ANO4: variants seen among roughly 807,000 people sequenced by gnomAD.
The protein encoded by ANO4 is anoctamin-4.
Under a neutral mutation model 141.9 loss-of-function variants are expected in ANO4, and 69 were observed. The observed-to-expected ratio is 0.49, with a 90% CI of 0.40 to 0.59. The LOEUF (loss-of-function observed/expected upper bound fraction) is 0.59. Ranked by LOEUF, ANO4 falls within the 20% of genes least tolerant of loss-of-function variation. The pLI is 0.00. For missense variants in ANO4, 894 were observed against 1,162.2 expected, an observed-to-expected ratio of 0.77 and a Z score of 3.36; for synonymous variants, 350 against 394.3, an observed-to-expected ratio of 0.89 and a Z score of 1.33.
chr12:100,885,961 G>A (rs1294710929), intron 1 of ANO4, among the ~76,000 whole-genome samples: 1 of 152,144 alleles, frequency 6.6e-6, no homozygotes, highest in African/African-American at 2.4e-5. Context: ...CTTGCCTACC[G>A]AAATATTCCA....
chr12:100,997,013 T>C (rs550580105), intron 8 of ANO4, among the ~76,000 whole-genome samples: 1 of 152,244 alleles, frequency 6.6e-6, no homozygotes, highest in Admixed American at 6.5e-5. Flanking sequence ...ATGGTTGCTC[T>C]GGTCACTGTT....
intron 1 of ANO4, among the ~76,000 whole-genome samples, chr12:100,886,378 C>CATT (rs1852372577): frequency 8.5e-6 from 1 of 117,812 alleles, no homozygotes; most frequent in African/African-American, 3.8e-5. Context: ...TTGTGAAGAT[C>CATT]GTTGCTTTCA....
At chr12:101,045,551 A>G (rs1425702399) in intron 13 of ANO4, among the ~76,000 whole-genome samples, 1 of 152,216 alleles carries the variant, frequency 6.6e-6, no homozygotes, top group African/African-American at 2.4e-5. Flanking sequence ...GAAATATTAA[A>G]TCAGATTGGC....
rs535123477 is a variant in ANO4, at chr12:100,963,240, G to A, written c.457-8066G>A. 1.7e-4 allele frequency among the ~76,000 whole-genome samples: 26 copies of A among 152,198 alleles called. 1 individual carries two copies. The highest frequency in any genetic ancestry group is 6.0e-4 in the African/African-American group (25 of 41,530). On this transcript the variant is annotated intron_variant, in intron 5 of 27. Coordinates refer to ENST00000392977, the MANE Select transcript of ANO4 (RefSeq NM_001286615.2). ...GAGTCTTGGAGATATCAGCTAATAG[G>A]TGACATCTAAACCCATTACAAGGGA... is the stretch of plus-strand genomic sequence containing the variant.
chr12:100,940,108 C>T (rs1175889564), intron 4 of ANO4, among the ~76,000 whole-genome samples: 1 of 151,872 alleles, frequency 6.6e-6, no homozygotes, highest in Non-Finnish European at 1.5e-5. Context: ...AGGATGACAC[C>T]TGGAACAGAG....
At chr12:100,840,793 A>G (rs2037199748) in intron 1 of ANO4, among the ~76,000 whole-genome samples, 1 of 152,170 alleles carries the variant, frequency 6.6e-6, no homozygotes, top group Admixed American at 6.5e-5. Flanking sequence ...TACTAGAGTC[A>G]GAGGTCAGCT....
chr12:101,126,802 T>C, intron 26 of ANO4, 77 bp from the exon 27 acceptor site: 2 of 1,372,412 alleles, frequency 1.5e-6, no homozygotes, highest in Non-Finnish European at 2.0e-6. Context: ...AGGGTCCACA[T>C]CCTTCTTCAG....
At chr12:101,013,982 C>A (rs2046209737) in intron 8 of ANO4, among the ~76,000 whole-genome samples, 1 of 152,222 alleles carries the variant, frequency 6.6e-6, no homozygotes, top group South Asian at 2.1e-4. Context: ...TAATGAGCAC[C>A]TTTCCCCAGC....
Position 101,008,338 on chromosome 12 carries a change from A to G in ANO4, c.735-11696A>G, listed in dbSNP as rs140828599. Among the ~76,000 whole-genome samples the G allele has an allele frequency of 1.1e-3, 172 of 152,230 alleles. 1 individual carries two copies. Among genetic ancestry groups the G allele is most frequent in the African/African-American group, 4.0e-3 (165 of 41,542 alleles). On this transcript the variant is annotated intron_variant, in intron 8 of 27. Coordinates refer to ENST00000392977, the MANE Select transcript of ANO4 (RefSeq NM_001286615.2). ...CCCCTTTCAACTCTTTTACCTGTTT[A>G]TTTTGGCAATTAATGCCTCATATCT... is the stretch of plus-strand genomic sequence containing the variant.
chr12:100,759,281 GTATT>G (rs1359962661), intron 3 of ANO4, among the ~76,000 whole-genome samples: 1 of 152,164 alleles, frequency 6.6e-6, no homozygotes, highest in East Asian at 1.9e-4. Flanking sequence ...TTCCTTTCGT[GTATT>G]TATTTAGCAC....
rs12310575 is a variant in ANO4 at position 100,882,792 on chromosome 12, G to A, written c.-140-18854G>A. On this transcript the variant is annotated intron_variant, in intron 1 of 27. Coordinates refer to ENST00000392977, the MANE Select transcript of ANO4 (RefSeq NM_001286615.2). ...TGGCTCTCTGCAACCTCTGCCTCCC[G>A]GGTTCAAGCAGTTCTCCCTTCCTCA... Among the ~76,000 whole-genome samples, 147 of 151,960 alleles carry A rather than the reference G, an allele frequency of 9.7e-4. 1 individual carries two copies. The highest frequency in any genetic ancestry group is 6.3e-4 in the African/African-American group (26 of 41,336).
intron 13 of ANO4, among the ~76,000 whole-genome samples, chr12:101,046,982 G>C (rs2047658009): frequency 6.6e-6 from 1 of 152,234 alleles, no homozygotes; most frequent in Admixed American, 6.5e-5. Flanking sequence ...GGGCGCGGTG[G>C]CTCACGCCTG....
chr12:101,100,859 T>C (rs1489793881), intron 22 of ANO4, among the ~76,000 whole-genome samples: 5 of 152,222 alleles, frequency 3.3e-5, no homozygotes, highest in Non-Finnish European at 7.3e-5. Flanking sequence ...GAAAAGTGTA[T>C]ATAAGTGTAG....
Position 100,901,702 on chromosome 12 carries a change from A to C in ANO4, c.-84A>C. Reference sequence around the variant, plus strand: ...GCGTTTGCAAATCCATCAACGGCGAAGTGTGGCAAGCCGCCCAGCGTCACG... The same window carrying C: ...GCGTTTGCAAATCCATCAACGGCGACGTGTGGCAAGCCGCCCAGCGTCACG... On this transcript the variant is annotated 5_prime_UTR_variant, in exon 2 of 28. Transcript: ENST00000392977. 2 of 1,228,384 alleles carry C rather than the reference A, an allele frequency of 1.6e-6. No homozygotes were observed. The highest frequency in any genetic ancestry group is 2.4e-6 in the Non-Finnish European group (2 of 828,454). 76.1% of individuals were successfully genotyped at this position (1,228,384 alleles called of 1,614,324 possible). A position where few individuals can be genotyped will look rare whatever the true frequency, so the allele number is the denominator to read the frequency against.
At chr12:100,822,160 G>T (rs1269636495) in intron 1 of ANO4, among the ~76,000 whole-genome samples, 4 of 151,984 alleles carry the variant, frequency 2.6e-5, no homozygotes, top group Non-Finnish European at 4.4e-5. Context: ...GATCTTTTGA[G>T]CAGCTTAACC....
intron 9 of ANO4, among the ~76,000 whole-genome samples, chr12:101,034,218 G>A (rs2047100693): frequency 1.3e-5 from 2 of 152,174 alleles, no homozygotes; most frequent in South Asian, 4.1e-4. Context: ...GTTCACAATA[G>A]CAAAGTTGTG....
chr12:100,754,064 A>G (rs1189473022), intron 3 of ANO4, among the ~76,000 whole-genome samples: 1 of 152,162 alleles, frequency 6.6e-6, no homozygotes, highest in Non-Finnish European at 1.5e-5. Flanking sequence ...AGACACTGAA[A>G]TTGTTCTTTG....
intron 1 of ANO4, among the ~76,000 whole-genome samples, chr12:100,844,692 G>A (rs954353221): frequency 3.3e-5 from 5 of 152,038 alleles, no homozygotes; most frequent in African/African-American, 1.2e-4. Context: ...TTTTTGGAGA[G>A]GATAGATATA....
intron 22 of ANO4, among the ~76,000 whole-genome samples, chr12:101,102,425 A>G (rs1185843989): frequency 6.6e-6 from 1 of 152,196 alleles, no homozygotes; most frequent in African/African-American, 2.4e-5. Context: ...ATGCAGCAGT[A>G]TCTCATCATG....
Sources: gnomAD v4.1 joint callset for allele counts (sites outside exome capture counted in the v4.1 genomes callset) on GRCh38, gnomAD v4.1.1 for gene constraint, MANE v1.5 for transcripts, NCBI Gene and HGNC (gene_info 2026-07-23, HGNC 2026-07-21) for gene names.